The following TTC6 variants were observed in gnomAD, a reference collection of about 807,000 sequenced individuals.
The protein encoded by TTC6 is tetratricopeptide repeat protein 6.
A neutral mutation model predicts 210.4 loss-of-function variants in TTC6; 172 were observed. That is an observed-to-expected ratio of 0.82 (90% CI 0.72 to 0.93). The LOEUF is 0.93. Among genes scored for constraint, TTC6 ranks in the 40% least tolerant of loss-of-function variants. The pLI, the probability that TTC6 is intolerant of heterozygous loss-of-function variation, is 0.00. For missense variants in TTC6, 2,414 were observed against 2,318.1 expected, an observed-to-expected ratio of 1.04 and a Z score of -0.85; for synonymous variants, 804 against 819.6, an observed-to-expected ratio of 0.98 and a Z score of 0.32.
In TTC6 at chr14:37,802,575, G is replaced by A. The variant is rs555348156; in HGVS notation, c.4030-2105G>A. Among the ~76,000 whole-genome samples the A allele has an allele frequency of 3.3e-5, 5 of 152,168 alleles. No homozygotes were observed. In the East Asian group the frequency reaches 9.7e-4, roughly 29 times the overall value. ...GACCCGGAGCAGAGGGCCCAGTTAA[G>A]CCATGCCCAATCTCCGGACCTGTGG... On this transcript the variant is annotated intron_variant, in intron 20 of 30. Coordinates refer to ENST00000553443, the Ensembl canonical transcript of TTC6.
chr14:37,663,487 AT>A (rs948178889), intron 1 of TTC6, among the ~76,000 whole-genome samples: 13 of 152,206 alleles, frequency 8.5e-5, no homozygotes, highest in African/African-American at 2.6e-4. Flanking sequence ...GCACAGTTAC[AT>A]TTTTTTAAAC....
rs116131744 is a variant in TTC6 at position 37,703,042 on chromosome 14, A to G, written c.1571+1516A>G. On this transcript the variant is annotated intron_variant, in intron 5 of 30. Coordinates refer to ENST00000553443, the Ensembl canonical transcript of TTC6. ...TTTCAGAACTGCTCCAGTGTCTCCA[A>G]TAGAAAATAGCAGTTCAGCATGACA... Among the ~76,000 whole-genome samples the G allele has an allele frequency of 4.2e-3, 632 of 152,252 alleles. 8 individuals carry two copies. The Middle Eastern group carries it at 0.068, about 16-fold the overall frequency.
chr14:37,635,981 CAAAAA>C (rs71433909), intron 1 of TTC6, among the ~76,000 whole-genome samples: 127 of 70,358 alleles, frequency 1.8e-3, no homozygotes, highest in African/African-American at 8.2e-3. Flanking sequence ...ATTCCATTTC[CAAAAA>C]AAAAAAAAAA....
intron 1 of TTC6, among the ~76,000 whole-genome samples, chr14:37,647,629 A>G (rs2095703942): frequency 6.6e-6 from 1 of 152,086 alleles, no homozygotes; most frequent in African/African-American, 2.4e-5. Flanking sequence ...TATACTTCCA[A>G]GTGGAGATAT....
chr14:37,704,669 G>T (rs1021313368), intron 5 of TTC6, among the ~76,000 whole-genome samples: 1 of 151,620 alleles, frequency 6.6e-6, no homozygotes, highest in Non-Finnish European at 1.5e-5. Context: ...TCAATTTGTT[G>T]TCTGCTTTTC....
intron 3 of TTC6, among the ~76,000 whole-genome samples, chr14:37,691,048 G>A (rs143600494): frequency 1.3e-5 from 2 of 151,784 alleles, no homozygotes; most frequent in Non-Finnish European, 2.9e-5. Flanking sequence ...GAGTAAAACC[G>A]GTCAGGTGTG....
At chr14:37,656,518 T>C (rs144189472) in intron 1 of TTC6, among the ~76,000 whole-genome samples, 61 of 64,542 alleles carry the variant, frequency 9.5e-4, no homozygotes, top group African/African-American at 3.0e-3. Context: ...TGTGTGCGTG[T>C]GTGTGTGTGT....
chr14:37,701,693 T>G (rs2095825717), intron 5 of TTC6, among the ~76,000 whole-genome samples, 167 bp downstream of exon 7: 2 of 152,312 alleles, frequency 1.3e-5, no homozygotes, highest in South Asian at 4.1e-4. Flanking sequence ...AGTCTAGGTC[T>G]GTGTCTCCAT....
chr14:37,627,368 T>C (rs1391501548), intron 1 of TTC6, among the ~76,000 whole-genome samples: 1 of 152,124 alleles, frequency 6.6e-6, no homozygotes, highest in Non-Finnish European at 1.5e-5. Flanking sequence ...GTTTGTTACA[T>C]AGATATAGAA....
rs558680021 is a variant in TTC6 at position 37,604,660 on chromosome 14, G to A, written c.-234-2003G>A. 3.9e-5 allele frequency among the ~76,000 whole-genome samples: 6 copies of A among 152,154 alleles called. No homozygotes were observed. In the South Asian group the frequency reaches 1.2e-3, roughly 32 times the overall value. The stretch of plus-strand genomic sequence containing the variant: ...ACACGGGGTTGTGGTTTGGATCTAG[G>A]AGGCACCCGGGAAGGAGAGGGGAGA... On this transcript the variant is annotated intron_variant, in intron 1 of 2. Coordinates refer to the TTC6 transcript ENST00000556845.
chr14:37,667,728 C>G (rs2095750858), intron 1 of TTC6, among the ~76,000 whole-genome samples: 1 of 150,878 alleles, frequency 6.6e-6, no homozygotes, highest in African/African-American at 2.4e-5. Flanking sequence ...CTGTCTGTGC[C>G]TTAAGTTAGG....
chr14:37,786,585 G>T (rs36074427), intron 14 of TTC6, among the ~76,000 whole-genome samples: 5,074 of 152,282 alleles, frequency 0.033, 136 homozygotes, highest in Non-Finnish European at 0.052. Flanking sequence ...GGGTGAGGCG[G>T]TGCCTGGCCC....
chr14:37,661,141 G>A (rs949788628), intron 1 of TTC6, among the ~76,000 whole-genome samples: 7 of 152,180 alleles, frequency 4.6e-5, no homozygotes, highest in Non-Finnish European at 8.8e-5. Flanking sequence ...TAGGTTGCCT[G>A]TTCACTCTGA....
intron 1 of TTC6, among the ~76,000 whole-genome samples, chr14:37,674,455 A>G (rs1566879587): frequency 6.6e-6 from 1 of 152,138 alleles, no homozygotes. Flanking sequence ...AACAATAACT[A>G]TTATTATGTA....
At chr14:37,779,370 C>CT (rs1555398705) in intron 14 of TTC6, among the ~76,000 whole-genome samples, 7,471 of 151,960 alleles carry the variant, frequency 0.049, 234 homozygotes, top group African/African-American at 0.062. Context: ...GCTTAGAAGT[C>CT]TTTTTTTTGG....
intron 1 of TTC6, among the ~76,000 whole-genome samples, chr14:37,641,495 T>C (rs1237011381): frequency 6.6e-6 from 1 of 152,188 alleles, no homozygotes; most frequent in Non-Finnish European, 1.5e-5. Context: ...TGTGTTTCAT[T>C]TTTGGAGGAA....
intron 2 of TTC6, among the ~76,000 whole-genome samples, chr14:37,615,149 T>C (rs1394758168): frequency 6.6e-6 from 1 of 152,248 alleles, no homozygotes; most frequent in African/African-American, 2.4e-5. Flanking sequence ...CTTTGAATTA[T>C]TGTTTCCCTG....
intron 1 of TTC6, among the ~76,000 whole-genome samples, chr14:37,672,161 A>G (rs530521290): frequency 1.3e-5 from 2 of 152,312 alleles, no homozygotes; most frequent in South Asian, 2.1e-4. Context: ...ATATAGATGC[A>G]TAATTATTTT....
chr14:37,747,122 G>A (rs1319244784), intron 10 of TTC6, among the ~76,000 whole-genome samples: 1 of 152,106 alleles, frequency 6.6e-6, no homozygotes, highest in Non-Finnish European at 1.5e-5. Context: ...CCAATGCCTT[G>A]TCTTCCACCT....
Sources: gnomAD v4.1 joint callset for allele counts (sites outside exome capture counted in the v4.1 genomes callset) on GRCh38, gnomAD v4.1.1 for gene constraint, MANE v1.5 for transcripts, NCBI Gene and HGNC (gene_info 2026-07-23, HGNC 2026-07-21) for gene names.